The following POU2F1 variants were observed in gnomAD, a reference collection of about 807,000 sequenced individuals.
The protein encoded by POU2F1 is POU domain, class 2, transcription factor 1.
A neutral mutation model predicts 84.9 loss-of-function variants in POU2F1; 16 were observed. That is an observed-to-expected ratio of 0.19 (90% confidence interval 0.13 to 0.29). POU2F1 has a LOEUF of 0.29. Ranked by LOEUF, POU2F1 falls within the 10% of genes least tolerant of loss-of-function variation. POU2F1 has a pLI of 1.00. For synonymous variants in POU2F1, 368 were observed against 368.3 expected (o/e 1.00, Z 0.01); for missense variants, 738 against 942.6 (o/e 0.78, Z 2.84).
At chr1:167,312,298 G>A (rs10082074) in intron 1 of POU2F1, among the ~76,000 whole-genome samples, 2,318 of 149,968 alleles carry the variant, frequency 0.015, 61 homozygotes, top group African/African-American at 0.054. Context: ...ACAGTGGCAC[G>A]ATCTCAGCTC....
rs1350821410 is a variant in POU2F1, at chr1:167,396,266, C to G, written c.988-20C>G. On this transcript the variant is annotated intron_variant, in intron 9 of 15. Transcript: ENST00000367866. ...ACTCTGTCTTTCCTCTCCTCTTCTC[C>G]TGCTCTGTATTGTGTGTAGGGTGAT... is the stretch of plus-strand genomic sequence containing the variant. 1 of 1,611,966 alleles carries G rather than the reference C, an allele frequency of 6.2e-7. No homozygotes were observed. Among genetic ancestry groups the G allele is most frequent in the Non-Finnish European group, 8.5e-7 (1 of 1,178,850 alleles).
intron 1 of POU2F1, among the ~76,000 whole-genome samples, chr1:167,221,419 G>A (rs1312059850): frequency 6.7e-6 from 1 of 149,590 alleles, no homozygotes; most frequent in African/African-American, 2.4e-5. Context: ...GCGGGCGGCC[G>A]GGGCCGGGCG....
chr1:167,226,962 A>AT (rs1368537026), intron 1 of POU2F1, among the ~76,000 whole-genome samples: 4 of 151,732 alleles, frequency 2.6e-5, no homozygotes, highest in Non-Finnish European at 5.9e-5. Flanking sequence ...CTTATTTTTA[A>AT]TTTTTTTTAA....
chr1:167,383,795 T>C (rs2101879603), intron 7 of POU2F1, 62 bp from the exon 8 acceptor site: 1 of 1,426,656 alleles, frequency 7.0e-7, no homozygotes, highest in South Asian at 1.2e-5. Context: ...ATTCTTTCTT[T>C]CTTTTGCCAT....
intron 1 of POU2F1, among the ~76,000 whole-genome samples, chr1:167,303,890 T>A (rs1375976806): frequency 6.6e-6 from 1 of 152,146 alleles, no homozygotes; most frequent in African/African-American, 2.4e-5. Flanking sequence ...ATCATCTTTA[T>A]TCTGTGATGA....
chr1:167,306,604 G>A (rs921473675), intron 1 of POU2F1, among the ~76,000 whole-genome samples: 1 of 152,078 alleles, frequency 6.6e-6, no homozygotes, highest in Non-Finnish European at 1.5e-5. Flanking sequence ...TAGTAATGCC[G>A]TAACACGGTA....
At chr1:167,361,603 G>C (rs1278457436) in intron 2 of POU2F1, among the ~76,000 whole-genome samples, 2 of 152,104 alleles carry the variant, frequency 1.3e-5, no homozygotes, top group Middle Eastern at 3.2e-3. Context: ...TCGCATCTAT[G>C]TTCATCTGGA....
chr1:167,375,918 TA>T (rs1164142366), intron 6 of POU2F1, 110 bp from the exon 7 acceptor site: 1 of 1,312,470 alleles, frequency 7.6e-7, no homozygotes, highest in Non-Finnish European at 1.1e-6. Flanking sequence ...GCATGCGAAG[TA>T]TTTACTCTTC....
chr1:167,362,293 C>T (rs1356616704), intron 2 of POU2F1, among the ~76,000 whole-genome samples: 1 of 152,194 alleles, frequency 6.6e-6, no homozygotes, highest in Non-Finnish European at 1.5e-5. Flanking sequence ...TAAGAGTATT[C>T]TTTTTACCTT....
chr1:167,252,545 A>G (rs536695768), intron 1 of POU2F1, among the ~76,000 whole-genome samples: 2 of 152,318 alleles, frequency 1.3e-5, no homozygotes, highest in East Asian at 1.9e-4. Context: ...TTCTCACTGA[A>G]GGGGAACCAG....
intron 13 of POU2F1, among the ~76,000 whole-genome samples, chr1:167,406,443 C>T (rs1331861424): frequency 2.0e-5 from 3 of 152,152 alleles, no homozygotes; most frequent in Non-Finnish European, 4.4e-5. Context: ...ATACTTTCCC[C>T]ACTAAGATTG....
chr1:167,266,595 C>A (rs988602860), intron 1 of POU2F1, among the ~76,000 whole-genome samples: 6 of 149,864 alleles, frequency 4.0e-5, no homozygotes, highest in Non-Finnish European at 8.9e-5. Context: ...TGGGAAGGTA[C>A]TTTGGCACAA....
intron 2 of POU2F1, among the ~76,000 whole-genome samples, chr1:167,346,407 G>A (rs1170562903): frequency 1.3e-5 from 2 of 152,152 alleles, no homozygotes; most frequent in Non-Finnish European, 2.9e-5. Context: ...CAATCACTGT[G>A]GAGATTTTTA....
chr1:167,237,404 A>G (rs1649546313), intron 1 of POU2F1, among the ~76,000 whole-genome samples: 1 of 152,204 alleles, frequency 6.6e-6, no homozygotes, highest in Admixed American at 6.5e-5. Context: ...GGTTACAGTA[A>G]CAGCCCTGTT....
chr1:167,382,956 T>A (rs1239451536), intron 7 of POU2F1, among the ~76,000 whole-genome samples: 2 of 152,204 alleles, frequency 1.3e-5, no homozygotes, highest in Admixed American at 1.3e-4. Context: ...TTACAACATT[T>A]AATATATCCA....
chr1:167,235,153 AC>A (rs937429563), intron 1 of POU2F1, among the ~76,000 whole-genome samples: 5 of 152,078 alleles, frequency 3.3e-5, no homozygotes, highest in African/African-American at 1.2e-4. Flanking sequence ...GCCCTGCATC[AC>A]CTTGTTGAGT....
chr1:167,361,434 A>G (rs1238859294), intron 2 of POU2F1, among the ~76,000 whole-genome samples: 3 of 152,108 alleles, frequency 2.0e-5, no homozygotes, highest in African/African-American at 4.8e-5. Context: ...TGTGATGATC[A>G]TATGGTTTTT....
intron 2 of POU2F1, among the ~76,000 whole-genome samples, chr1:167,345,387 A>G (rs1658122945): frequency 1.3e-5 from 2 of 152,196 alleles, no homozygotes; most frequent in African/African-American, 4.8e-5. Flanking sequence ...CAGTCTAGAG[A>G]GGATTAGGAA....
intron 2 of POU2F1, among the ~76,000 whole-genome samples, chr1:167,341,544 A>G (rs1472608886): frequency 2.0e-5 from 3 of 152,158 alleles, no homozygotes; most frequent in Admixed American, 6.5e-5. Flanking sequence ...GGAGTGGCTC[A>G]TATGTTTGGC....
Sources: allele counts gnomAD v4.1 joint callset (sites outside exome capture counted in the v4.1 genomes callset), GRCh38; gene constraint gnomAD v4.1.1; transcripts MANE v1.5; gene names NCBI Gene and HGNC (gene_info 2026-07-23, HGNC 2026-07-21).